The following ZNF541 variants were observed in gnomAD, a reference collection of about 807,000 sequenced individuals.
The protein encoded by ZNF541 is zinc finger protein 541.
In ZNF541, 23 loss-of-function variants were observed where a neutral mutation model predicts 123.5. The ratio of observed to expected loss-of-function variants is 0.19; its 90% CI spans 0.13 to 0.26. The LOEUF is 0.26. Ranked by LOEUF, ZNF541 falls within the 10% of genes least tolerant of loss-of-function variation. ZNF541 has a pLI of 1.00. For synonymous variants in ZNF541, 751 were observed against 754.5 expected (o/e 1.00, Z 0.08); for missense variants, 1,612 against 1,789.9 (o/e 0.90, Z 1.79).
rs1357728047 is a variant in ZNF541 at position 47,544,718 on chromosome 19, A to C, written c.1811T>G (p.Leu604Arg). 2.7e-6 allele frequency: 4 copies of C among 1,506,308 alleles called. No homozygotes were observed. Among genetic ancestry groups the C allele is most frequent in the Non-Finnish European group, 3.5e-6 (4 of 1,129,848 alleles). 93.3% of individuals were successfully genotyped at this position (1,506,308 alleles called of 1,614,324 possible). A position where few individuals can be genotyped will look rare whatever the true frequency, so the allele number is the denominator to read the frequency against. The stretch of plus-strand genomic sequence containing the variant: ...GTGGAGAGAGTCCACAGCAGGAGCC[A>C]GTGGTGGGGGCTGCTGCGGCCACGG... ...QGPWPQQPPPLAPAVDSLHAG... is the reference protein window; with the variant it reads ...QGPWPQQPPPRAPAVDSLHAG... The change falls in exon 5 of 17, where the codon CTG becomes CGG. Residue 604 changes from leucine to arginine, a missense_variant. By Grantham distance (102) the Leu-to-Arg change is moderately radical (BLOSUM62 -2). Coordinates refer to ENST00000391901, the MANE Select transcript of ZNF541 (RefSeq NM_001277075.3).
chr19:47,539,954 A>G, intron 7 of ZNF541, 76 bp from the exon 8 acceptor site: 1 of 1,500,064 alleles, frequency 6.7e-7, no homozygotes. Context: ...TCAGCAAAAA[A>G]AGCTGTCATA....
intron 14 of ZNF541, among the ~76,000 whole-genome samples, chr19:47,525,941 ACTT>A (rs1194354337): frequency 6.7e-6 from 1 of 148,808 alleles, no homozygotes; most frequent in African/African-American, 2.5e-5. Flanking sequence ...AAAAAAAAAA[ACTT>A]CTAGAGAAAA....
intron 2 of ZNF541, among the ~76,000 whole-genome samples, chr19:47,560,267 T>C (rs1971006594): frequency 6.6e-6 from 1 of 152,050 alleles, no homozygotes; most frequent in East Asian, 1.9e-4. Context: ...TTGGATACTT[T>C]GGAGAAATAA....
intron 5 of ZNF541, among the ~76,000 whole-genome samples, chr19:47,542,732 G>C (rs912272045): frequency 5.9e-5 from 9 of 151,668 alleles, no homozygotes; most frequent in African/African-American, 2.2e-4. Context: ...TGGATCACGA[G>C]GTCAGGAGTT....
At chr19:47,529,170 C>T (rs962464218) in intron 13 of ZNF541, 132 bp from the exon 14 acceptor site, 192 of 684,936 alleles carry the variant, frequency 2.8e-4, no homozygotes, top group Non-Finnish European at 4.4e-4. Flanking sequence ...TCATAAAAAA[C>T]TCAAAAAGTC....
At chr19:47,559,371 C>CA (rs566800465) in intron 2 of ZNF541, among the ~76,000 whole-genome samples, 11 of 145,918 alleles carry the variant, frequency 7.5e-5, no homozygotes, top group East Asian at 4.0e-4. Context: ...AACTCTATCT[C>CA]AAAAAAAAGA....
chr19:47,531,887 C>T, intron 11 of ZNF541, 142 bp from the exon 12 acceptor site: 1 of 911,358 alleles, frequency 1.1e-6, no homozygotes, highest in Non-Finnish European at 1.6e-6. Flanking sequence ...GGAGGAAGAG[C>T]AGAACCCTGT....
intron 14 of ZNF541, among the ~76,000 whole-genome samples, chr19:47,523,333 C>T (rs1348210300): frequency 9.7e-6 from 1 of 103,442 alleles, no homozygotes; most frequent in African/African-American, 6.6e-5. Flanking sequence ...CGGCGAGCGT[C>T]TCTTTTAAAA....
At chr19:47,540,678 G>C (rs1599992104) in intron 6 of ZNF541, among the ~76,000 whole-genome samples, 1 of 152,174 alleles carries the variant, frequency 6.6e-6, no homozygotes, top group South Asian at 2.1e-4. Flanking sequence ...GACCTCAAAT[G>C]ATCCCCCTGC....
chr19:47,526,481 CAAAAAA>C (rs71180847), intron 14 of ZNF541, among the ~76,000 whole-genome samples: 2 of 34,976 alleles, frequency 5.7e-5, no homozygotes. Context: ...GACTCCATCT[CAAAAAA>C]AAAAAAAAAA....
In ZNF541 at chr19:47,562,666, T is replaced by C. The variant is rs571114231; in HGVS notation, c.-98-6712A>G. ...TTTTTCAGCAAAAAATTATGAGTCA[T>C]GAAAACAAAAAAGCATAGCCCCTTC... On this transcript the variant is annotated intron_variant, in intron 2 of 16. Transcript: ENST00000391901. Among the ~76,000 whole-genome samples the C allele has an allele frequency of 4.2e-4, 64 of 152,296 alleles. 1 individual carries two copies. Among genetic ancestry groups the C allele is most frequent in the African/African-American group, 1.5e-3 (61 of 41,572 alleles).
intron 2 of ZNF541, among the ~76,000 whole-genome samples, chr19:47,567,063 A>G (rs995896975): frequency 5.9e-5 from 9 of 151,770 alleles, no homozygotes; most frequent in Non-Finnish European, 1.3e-4. Context: ...AAATAAATAA[A>G]TAAATAAATA....
At chr19:47,549,638 A>G (rs537828211) in intron 3 of ZNF541, among the ~76,000 whole-genome samples, 153 bp from the exon 4 acceptor site, 2 of 152,304 alleles carry the variant, frequency 1.3e-5, no homozygotes, top group Admixed American at 1.3e-4. Context: ...GTTCAGGAGC[A>G]GGTGAGGGGA....
In ZNF541 at chr19:47,545,057, G is replaced by C; in HGVS notation, c.1472C>G (p.Ser491Trp). 6.8e-7 allele frequency: 1 copy of C among 1,477,812 alleles called. No individual in the cohort carries two copies. The highest frequency in any genetic ancestry group is 8.9e-7 in the Non-Finnish European group (1 of 1,117,856). 91.5% of individuals were successfully genotyped at this position (1,477,812 alleles called of 1,614,324 possible). Residue 491 changes from serine to tryptophan, a missense_variant, in exon 5 of 17, where the codon TCG becomes TGG. Around this residue, in one of 5 missense-constraint regions of ZNF541, gnomAD observed 1,080 missense variants for 1,013.8 expected, o/e 1.07. Transcript: ENST00000391901. The surrounding 1 kb of genome is among the most constrained non-coding windows in gnomAD (Gnocchi z 7.5). The part of the protein sequence containing the change: ...VPAEAPSDPR[S>W]ASGEDDPCAP... ...GCAGGGGTCATCTTCCCCGCTGGCC[G>C]ACCTGGGGTCGCTCGGGGCCTCCGC...
chr19:47,520,928 A>G lies in ZNF541; in HGVS notation c.*296T>C, dbSNP rs1327002252. The stretch of plus-strand genomic sequence containing the variant: ...TAAGATTTAAGAGCTACCCAGAGCT[A>G]AATTTTCCCCTCCCCAAGCCTCCCT... On this transcript the variant is annotated 3_prime_UTR_variant, in exon 17 of 17. Coordinates refer to ENST00000391901, the MANE Select transcript of ZNF541 (RefSeq NM_001277075.3). 5.7e-6 allele frequency: 2 copies of G among 350,768 alleles called. No individual in the cohort carries two copies. Among genetic ancestry groups the G allele is most frequent in the Non-Finnish European group, 1.1e-5 (2 of 189,376 alleles). The allele number at this position is 350,768 out of a possible 1,614,324, so 21.7% of individuals were successfully genotyped here. A position where few individuals can be genotyped will look rare whatever the true frequency, so the allele number is the denominator to read the frequency against.
rs761388056 is a variant in ZNF541, at chr19:47,531,657, A to G, written c.3390T>C (p.Ala1130=). 9.1e-6 allele frequency: 14 copies of G among 1,544,442 alleles called. No homozygotes were observed. The South Asian group carries it at 1.7e-4, about 18-fold the overall frequency. The change falls in exon 12 of 17, where the codon GCT becomes GCC. Residue 1130 remains alanine (A), a synonymous_variant. Coordinates refer to ENST00000391901, the MANE Select transcript of ZNF541 (RefSeq NM_001277075.3). The part of the protein sequence containing the change: ...LELALHCLHE[A]QGNVQVALET... Reference sequence around the variant, plus strand: ...TGTTCCTCACCTGAACGTTGCCCTGAGCCTCGTGCAGGCAGTGCAGAGCGA... The same window carrying G: ...TGTTCCTCACCTGAACGTTGCCCTGGGCCTCGTGCAGGCAGTGCAGAGCGA...
intron 2 of ZNF541, among the ~76,000 whole-genome samples, chr19:47,558,398 A>T (rs1970916268): frequency 6.6e-6 from 1 of 151,976 alleles, no homozygotes; most frequent in African/African-American, 2.4e-5. Flanking sequence ...CCTGGGCAAC[A>T]GAGCGAGACT....
At chr19:47,535,165 G>A (rs1246875624) in intron 9 of ZNF541, among the ~76,000 whole-genome samples, 1 of 152,120 alleles carries the variant, frequency 6.6e-6, no homozygotes. Context: ...ATGTTGGCCA[G>A]GCTGGTCTTG....
intron 3 of ZNF541, among the ~76,000 whole-genome samples, chr19:47,554,380 G>C (rs1330488764): frequency 6.6e-6 from 1 of 152,096 alleles, no homozygotes; most frequent in Non-Finnish European, 1.5e-5. Context: ...GCAATGAGCC[G>C]AGATTGTGCC....
Sources: gnomAD v4.1 joint callset for allele counts (sites outside exome capture counted in the v4.1 genomes callset) on GRCh38, gnomAD v4.1.1 for gene constraint, gnomAD v4.1.1 regional missense constraint, Gnocchi (gnomAD v3.1) non-coding constraint, MANE v1.5 for transcripts, NCBI Gene and HGNC (gene_info 2026-07-23, HGNC 2026-07-21) for gene names.